The following METTL25 variants were observed in gnomAD, a reference collection of about 807,000 sequenced individuals.
METTL25 encodes methyltransferase like 25.
METTL25 carries 64 observed loss-of-function variants against 71.6 expected under a neutral mutation model. The ratio of observed to expected loss-of-function variants is 0.89; its 90% CI spans 0.73 to 1.10. METTL25 has a LOEUF of 1.10. Among genes scored for constraint, METTL25 ranks in the 50% least tolerant of loss-of-function variants. The probability of loss-of-function intolerance (pLI) is 0.00; values close to 1 mark genes in which losing one functional copy is unlikely to be tolerated. For synonymous variants in METTL25, 287 were observed against 250.3 expected, an observed-to-expected ratio of 1.15 and a Z score of -1.38; for missense variants, 807 against 707.0, an observed-to-expected ratio of 1.14 and a Z score of -1.60.
intron 7 of METTL25, among the ~76,000 whole-genome samples, chr12:82,435,955 C>T (rs2642015): frequency 0.92 from 139,189 of 151,350 alleles, 64,381 homozygotes; most frequent in East Asian, 1. Flanking sequence ...TCCCATGATA[C>T]ACATGAAGAG....
chr12:82,372,122 T>A (rs10778899), intron 1 of METTL25, among the ~76,000 whole-genome samples: 59 of 152,320 alleles, frequency 3.9e-4, no homozygotes, highest in Middle Eastern at 6.8e-3. Context: ...AATAGCATGA[T>A]GTCTCTCCAA....
intron 1 of METTL25, among the ~76,000 whole-genome samples, chr12:82,363,925 G>A (rs892620634): frequency 2.0e-5 from 3 of 152,108 alleles, no homozygotes; most frequent in Admixed American, 1.3e-4. Context: ...TTATAAATAT[G>A]TTTAAAGAGC....
intron 5 of METTL25, among the ~76,000 whole-genome samples, chr12:82,427,038 C>T (rs1889086512): frequency 6.6e-6 from 1 of 152,042 alleles, no homozygotes; most frequent in Non-Finnish European, 1.5e-5. Flanking sequence ...AAGGTATCTC[C>T]ATAAGCGCTT....
intron 8 of METTL25, among the ~76,000 whole-genome samples, chr12:82,455,834 G>T (rs1366473844): frequency 2.0e-5 from 3 of 151,826 alleles, no homozygotes; most frequent in Non-Finnish European, 4.4e-5. Flanking sequence ...GCAGAAAAGT[G>T]ACAAAATAAA....
At chr12:82,373,421 GCCCGGGTGCCTAAAGAAGGGAATAGAGT>G (rs1883479589) in intron 1 of METTL25, among the ~76,000 whole-genome samples, 1 of 152,120 alleles carries the variant, frequency 6.6e-6, no homozygotes, top group African/African-American at 2.4e-5. Flanking sequence ...TGATTGGTGA[GCCCGGGTGCCTAAAGAAGGGAATAGAGT>G]CCTGGAGTTT....
chr12:82,378,970 T>G (rs1884162140), intron 1 of METTL25, among the ~76,000 whole-genome samples: 1 of 152,176 alleles, frequency 6.6e-6, no homozygotes, highest in South Asian at 2.1e-4. Flanking sequence ...AGATCAAGGT[T>G]GCAGTGAGCC....
At chr12:82,390,694 G>A (rs1293173649) in intron 3 of METTL25, among the ~76,000 whole-genome samples, 1 of 152,030 alleles carries the variant, frequency 6.6e-6, no homozygotes, top group East Asian at 1.9e-4. Flanking sequence ...AGCCACTTGT[G>A]GCAACATGGA....
At chr12:82,452,992 C>T (rs948619125) in intron 8 of METTL25, among the ~76,000 whole-genome samples, 1 of 152,070 alleles carries the variant, frequency 6.6e-6, no homozygotes, top group Non-Finnish European at 1.5e-5. Context: ...ACTACACTAT[C>T]GTGCATATAC....
intron 9 of METTL25, among the ~76,000 whole-genome samples, chr12:82,457,501 A>G (rs1364644428): frequency 6.6e-6 from 1 of 152,058 alleles, no homozygotes; most frequent in Non-Finnish European, 1.5e-5. Flanking sequence ...ATAATGTTAT[A>G]TCAAAGCTAA....
At chr12:82,381,924 C>A (rs1472366712) in intron 1 of METTL25, among the ~76,000 whole-genome samples, 2 of 152,090 alleles carry the variant, frequency 1.3e-5, no homozygotes, top group Non-Finnish European at 1.5e-5. Context: ...AGAGCATTAA[C>A]AAGGTTTGAA....
chr12:82,392,105 T>A (rs1382477131), intron 3 of METTL25, among the ~76,000 whole-genome samples: 2 of 150,524 alleles, frequency 1.3e-5, no homozygotes, highest in Non-Finnish European at 3.0e-5. Flanking sequence ...TTTTATTTAT[T>A]TTATTTATTA....
rs533158524 is a variant in METTL25 at position 82,398,843 on chromosome 12, T to C, written c.580T>C (p.Leu194=). The change falls in exon 4 of 12, where the codon TTG becomes CTG. Residue 194 remains leucine (L), a synonymous_variant. Transcript: ENST00000248306. ...AGGCTACCTAAGCTCTTTTTTGTCC[T>C]TGAAGTATGGCTTAAAAGTTTATGG... ...GKGYLSSFLS[L]KYGLKVYGID... is the part of the protein sequence containing the mutation. 5 of 1,588,634 alleles carry C rather than the reference T, an allele frequency of 3.1e-6. No individual in the cohort carries two copies. The East Asian group carries it at 1.1e-4, about 36-fold the overall frequency.
At chr12:82,388,576 A>G (rs1033591803) in intron 2 of METTL25, among the ~76,000 whole-genome samples, 5 of 152,094 alleles carry the variant, frequency 3.3e-5, no homozygotes, top group East Asian at 3.9e-4. Context: ...CCCTCCCCCA[A>G]TGTATAAAGT....
At chr12:82,363,312 A>G (rs1023872871) in intron 1 of METTL25, among the ~76,000 whole-genome samples, 2 of 152,224 alleles carry the variant, frequency 1.3e-5, no homozygotes, top group African/African-American at 2.4e-5. Flanking sequence ...CCTAAAGTAC[A>G]TACAACTTGG....
intron 1 of METTL25, among the ~76,000 whole-genome samples, chr12:82,379,466 C>A (rs1884211608): frequency 6.6e-6 from 1 of 151,874 alleles, no homozygotes; most frequent in Non-Finnish European, 1.5e-5. Flanking sequence ...TTCTTAAATG[C>A]TTCTCATTTT....
chr12:82,403,111 A>C lies in METTL25; in HGVS notation c.1260A>C (p.Glu420Asp), dbSNP rs1242899011. 1 of 1,612,296 alleles carries C rather than the reference A, an allele frequency of 6.2e-7. No homozygotes were observed. The highest frequency in any genetic ancestry group is 2.2e-5 in the East Asian group (1 of 44,784). ...VGCCYHLLSE[E>D]FENQHKERTQ... ...GTTGCTACCACCTCTTATCTGAAGA[A>C]TTTGAAAACCAGCATAAAGGTACAA... The change falls in exon 5 of 12, where the codon GAA becomes GAC. Residue 420 changes from glutamate (E) to aspartate (D), a missense_variant. Physicochemically the swap from Glu to Asp is conservative, Grantham distance 45 (BLOSUM62 2). Transcript: ENST00000248306.
chr12:82,461,060 A>G (rs549487898), intron 9 of METTL25, among the ~76,000 whole-genome samples: 1 of 152,078 alleles, frequency 6.6e-6, no homozygotes, highest in Non-Finnish European at 1.5e-5. Context: ...GGACAATGGC[A>G]TGAACCCGGG....
intron 3 of METTL25, among the ~76,000 whole-genome samples, chr12:82,396,578 A>G (rs1488654797): frequency 6.6e-6 from 1 of 152,082 alleles, no homozygotes; most frequent in East Asian, 1.9e-4. Flanking sequence ...ATTTTATGAA[A>G]TGACATGGCA....
At chr12:82,395,627 T>G (rs1885999939) in intron 3 of METTL25, among the ~76,000 whole-genome samples, 1 of 152,070 alleles carries the variant, frequency 6.6e-6, no homozygotes, top group African/African-American at 2.4e-5. Flanking sequence ...TAAAGTACAG[T>G]ACCATACTAG....
Sources: gnomAD v4.1 joint callset for allele counts (sites outside exome capture counted in the v4.1 genomes callset) on GRCh38, gnomAD v4.1.1 for gene constraint, MANE v1.5 for transcripts, NCBI Gene and HGNC (gene_info 2026-07-23, HGNC 2026-07-21) for gene names.